The following TEF variants were observed in gnomAD, a reference collection of about 807,000 sequenced individuals.
The protein encoded by TEF is TEF transcription factor, PAR bZIP family member, also known as thyrotroph embryonic factor.
TEF carries 3 observed loss-of-function variants against 20.8 expected under a neutral mutation model. That is an observed-to-expected ratio of 0.14 (90% CI 0.07 to 0.37). The LOEUF is 0.37. Among genes scored for constraint, TEF ranks in the 10% least tolerant of loss-of-function variants. TEF has a pLI of 1.00. For synonymous variants in TEF, 180 were observed against 171.1 expected, an observed-to-expected ratio of 1.05 and a Z score of -0.41; for missense variants, 296 against 397.9, an observed-to-expected ratio of 0.74 and a Z score of 2.18.
intron 1 of TEF, chr22:41,370,226 T>C (rs369855951): frequency 3.2e-5 from 14 of 443,334 alleles, no homozygotes; most frequent in Middle Eastern, 1.1e-3. Flanking sequence ...GCAATTCTCC[T>C]GCCTCAGCTA....
intron 1 of TEF, chr22:41,368,958 G>A: frequency 3.1e-6 from 2 of 650,438 alleles, no homozygotes; most frequent in Non-Finnish European, 3.8e-6. Flanking sequence ...GCATCTCTGA[G>A]TGGCCTGTGT....
chr22:41,376,237 T>C (rs1365407002), intron 1 of TEF, among the ~76,000 whole-genome samples: 2 of 152,242 alleles, frequency 1.3e-5, no homozygotes, highest in African/African-American at 4.8e-5. Context: ...GTTCTGTTTT[T>C]GTTTTTTTGT....
chr22:41,382,265 G>T lies in TEF; in HGVS notation c.157+64G>T, dbSNP rs555710227. On this transcript the variant is annotated intron_variant, in intron 1 of 3. Transcript: ENST00000266304. ...GGCTTATACAGGGGCGGGGCCTCGT[G>T]AGGGCGGGGCCGGGGAGGCAGTGGG... The T allele has an allele frequency of 1.0e-4, 106 of 1,060,274 alleles. No individual in the cohort carries two copies. In the African/African-American group the frequency reaches 1.5e-3, roughly 15 times the overall value. The allele number at this position is 1,060,274 out of a possible 1,614,324, so 65.7% of individuals were successfully genotyped here. A position where few individuals can be genotyped will look rare whatever the true frequency, so the allele number is the denominator to read the frequency against.
At position 41,382,008 on chromosome 22, in the gene TEF, G is replaced by C. The variant is rs528349161; in HGVS notation, c.-37G>C. ...CTCCGGCCCATCTCGGGGGGCGGGC[G>C]GGGGAGGCGAGGTGCGCGAGCCGAG... On this transcript the variant is annotated 5_prime_UTR_variant, in exon 1 of 4. Coordinates refer to ENST00000266304, the MANE Select transcript of TEF (RefSeq NM_003216.4). 2.4e-6 allele frequency: 3 copies of C among 1,229,726 alleles called. No individual in the cohort carries two copies. Among genetic ancestry groups the C allele is most frequent in the Non-Finnish European group, 2.0e-6 (2 of 986,698 alleles). 76.2% of individuals were successfully genotyped at this position (1,229,726 alleles called of 1,614,324 possible).
At position 41,397,116 on chromosome 22, in the gene TEF, C is replaced by T. The variant is rs576798075; in HGVS notation, c.*1156C>T. 26 of 398,682 alleles carry T rather than the reference C, an allele frequency of 6.5e-5. No homozygotes were observed. Among genetic ancestry groups the T allele is most frequent in the Admixed American group, 3.5e-4 (8 of 22,722 alleles). The allele number at this position is 398,682 out of a possible 1,614,324, so 24.7% of individuals were successfully genotyped here. A position where few individuals can be genotyped will look rare whatever the true frequency, so the allele number is the denominator to read the frequency against. On this transcript the variant is annotated 3_prime_UTR_variant, in exon 4 of 4. Transcript: ENST00000266304. ...GGAGGGTGTCAGCAGGGCAAGACAC[C>T]TAGTCTAGAGTCACCAAGGTCACAG...
upstream of TEF, among the ~76,000 whole-genome samples, chr22:41,381,747 C>T (rs888525614): frequency 2.6e-5 from 4 of 152,030 alleles, no homozygotes; most frequent in Non-Finnish European, 5.9e-5. Context: ...CACCTGGCCC[C>T]GCACGTGTCT....
intron 2 of TEF, among the ~76,000 whole-genome samples, chr22:41,392,503 GTC>G (rs757705543): frequency 6.6e-6 from 1 of 150,662 alleles, no homozygotes; most frequent in Non-Finnish European, 1.5e-5. Flanking sequence ...GTGAAACCCC[GTC>G]TCTACTAAAA....
chr22:41,380,793 C>G (rs1005144429), upstream of TEF, among the ~76,000 whole-genome samples: 69 of 152,252 alleles, frequency 4.5e-4, no homozygotes, highest in African/African-American at 9.9e-4. Flanking sequence ...CCCGGGGAGG[C>G]TTTATATTTT....
Position 41,382,846 on chromosome 22 carries a change from A to T in TEF, c.157+645A>T. 6.4e-6 allele frequency: 3 copies of T among 468,022 alleles called. No homozygotes were observed. In the Admixed American group the frequency reaches 7.1e-5, roughly 11 times the overall value. 29.0% of individuals were successfully genotyped at this position (468,022 alleles called of 1,614,324 possible). On this transcript the variant is annotated intron_variant, in intron 1 of 3. Coordinates refer to ENST00000266304, the MANE Select transcript of TEF (RefSeq NM_003216.4). ...GGGGAGTTTTGGGCCAAGCAGAGAA[A>T]CGATGAGGGTCAGATGAGTCCACTG...
intron 1 of TEF, among the ~76,000 whole-genome samples, chr22:41,373,206 C>T (rs1450502829): frequency 2.6e-5 from 4 of 152,170 alleles, no homozygotes; most frequent in Non-Finnish European, 4.4e-5. Context: ...GGTGTCCTAG[C>T]ACTGTGCCTG....
At chr22:41,372,191 C>A (rs1170002519) in intron 1 of TEF, among the ~76,000 whole-genome samples, 2 of 152,338 alleles carry the variant, frequency 1.3e-5, no homozygotes, top group Middle Eastern at 3.4e-3. Context: ...CAAAGAGGCA[C>A]TGGCTACCCT....
intron 1 of TEF, among the ~76,000 whole-genome samples, chr22:41,370,312 A>G (rs1394504551): frequency 1.4e-5 from 2 of 146,088 alleles, no homozygotes; most frequent in African/African-American, 5.1e-5. Context: ...ATGGGGTTTC[A>G]CCATGTTGGC....
chr22:41,388,179 G>A (rs1421567905), intron 2 of TEF, among the ~76,000 whole-genome samples: 1 of 151,410 alleles, frequency 6.6e-6, no homozygotes, highest in Non-Finnish European at 1.5e-5. Flanking sequence ...TTATTTTTTA[G>A]TAGAGACAGA....
intron 1 of TEF, among the ~76,000 whole-genome samples, chr22:41,376,153 A>C (rs1294215170): frequency 1.3e-5 from 2 of 152,248 alleles, no homozygotes; most frequent in African/African-American, 2.4e-5. Context: ...AGTTTAAGTA[A>C]AAATAATCCA....
chr22:41,386,108 A>AC (rs545279929), intron 1 of TEF, among the ~76,000 whole-genome samples: 11 of 151,424 alleles, frequency 7.3e-5, no homozygotes, highest in South Asian at 2.1e-4. Context: ...TGCAATCCTG[A>AC]CCCCCCCGCA....
At chr22:41,370,126 T>C (rs1333940281) in intron 1 of TEF, 2 of 984,358 alleles carry the variant, frequency 2.0e-6, no homozygotes, top group Non-Finnish European at 2.4e-6. Flanking sequence ...CCCCCTTTTT[T>C]TTTTTTGAGA....
At chr22:41,384,259 A>G (rs1206270473) in intron 1 of TEF, among the ~76,000 whole-genome samples, 1 of 152,038 alleles carries the variant, frequency 6.6e-6, no homozygotes, top group Non-Finnish European at 1.5e-5. Context: ...TTTATCTCCC[A>G]CTTCCCTGAT....
At chr22:41,374,241 A>G (rs957970043) in intron 1 of TEF, among the ~76,000 whole-genome samples, 7 of 152,002 alleles carry the variant, frequency 4.6e-5, no homozygotes, top group Admixed American at 4.6e-4. Context: ...CCCTGTCTCT[A>G]CCAAAAAAAT....
At chr22:41,393,773 C>CAA (rs879096914) in intron 2 of TEF, among the ~76,000 whole-genome samples, 22 of 60,260 alleles carry the variant, frequency 3.7e-4, no homozygotes, top group African/African-American at 8.7e-4. Context: ...ACTCCCATCT[C>CAA]AAAAAAAAAA....
Sources: allele counts gnomAD v4.1 joint callset (sites outside exome capture counted in the v4.1 genomes callset), GRCh38; gene constraint gnomAD v4.1.1; transcripts MANE v1.5; gene names NCBI Gene and HGNC (gene_info 2026-07-23, HGNC 2026-07-21).